The following PTCH1 variants were observed in gnomAD, a reference collection of about 807,000 sequenced individuals.
The protein encoded by PTCH1 is protein patched homolog 1.
A neutral mutation model predicts 144.6 loss-of-function variants in PTCH1; 14 were observed. That is an observed-to-expected ratio of 0.10 (90% confidence interval 0.06 to 0.15). The LOEUF (loss-of-function observed/expected upper bound fraction) is 0.15. PTCH1 is among the 10% of genes least tolerant of loss of function. PTCH1 has a pLI of 1.00. For missense variants in PTCH1, 1,623 were observed against 1,948.3 expected (o/e 0.83, Z 3.14); for synonymous variants, 833 against 793.6 (o/e 1.05, Z -0.83).
At chr9:95,452,264 G>A (rs1838520564) in intron 20 of PTCH1, 1 of 151,766 alleles carries the variant, frequency 6.6e-6, no homozygotes, top group Non-Finnish European at 1.5e-5. Context: ...TAAAACTTTG[G>A]CTAAAACTTC....
chr9:95,499,284 T>C (rs1842986626), intron 2 of PTCH1, among the ~76,000 whole-genome samples: 1 of 150,570 alleles, frequency 6.6e-6, no homozygotes, highest in South Asian at 2.1e-4. Flanking sequence ...GAACCAACCC[T>C]AACCAAAATA....
In PTCH1 at chr9:95,453,114, G is replaced by A. The variant is rs145164017; in HGVS notation, c.3449+364C>T. On this transcript the variant is annotated intron_variant, in intron 20 of 23. Coordinates refer to ENST00000331920, the MANE Select transcript of PTCH1 (RefSeq NM_000264.5). Reference sequence around the variant, plus strand: ...CCAGATACAGAAGGAAATAAGCAACGAAGATCACCTGAGCTAATAACAATA... The same window carrying A: ...CCAGATACAGAAGGAAATAAGCAACAAAGATCACCTGAGCTAATAACAATA... 4.1e-4 allele frequency: 142 copies of A among 344,566 alleles called. No individual in the cohort carries two copies. In the East Asian group the frequency reaches 8.6e-3, roughly 21 times the overall value. 21.3% of individuals were successfully genotyped at this position (344,566 alleles called of 1,614,324 possible).
chr9:95,469,429 T>C (rs1840358818), intron 13 of PTCH1, among the ~76,000 whole-genome samples: 1 of 152,232 alleles, frequency 6.6e-6, no homozygotes, highest in South Asian at 2.1e-4. Context: ...GATGAATCCT[T>C]CAAAGCACAA....
chr9:95,455,742 T>G (rs1416241830), intron 19 of PTCH1, among the ~76,000 whole-genome samples: 1 of 152,128 alleles, frequency 6.6e-6, no homozygotes, highest in South Asian at 2.1e-4. Flanking sequence ...TGGGCTTAGG[T>G]AGAAGAGCCA....
chr9:95,468,822 A>C lies in PTCH1; in HGVS notation c.2179T>G (p.Cys727Gly), dbSNP rs779167673. Residue 727 changes from cysteine (C) to glycine (G), a missense_variant, in exon 14 of 24, where the codon TGT becomes GGT. By Grantham distance (159) the Cys-to-Gly change is radical. This residue lies in a region of PTCH1 where 179 missense variants were observed against 165.7 expected (regional missense o/e 1.08). Transcript: ENST00000331920. Reference sequence around the variant, plus strand: ...AAAGATGAGAGTGTCCACTTCGTACAGGGGGGCTCGAGGCAGTGGAGGCTG... The same window carrying C: ...AAAGATGAGAGTGTCCACTTCGTACCGGGGGGCTCGAGGCAGTGGAGGCTG... ...DSSLHCLEPPCTKWTLSSFAE... is the reference protein window; with the variant it reads ...DSSLHCLEPPGTKWTLSSFAE... 1 of 1,614,120 alleles carries C rather than the reference A, an allele frequency of 6.2e-7. No homozygotes were observed. Among genetic ancestry groups the C allele is most frequent in the Non-Finnish European group, 8.5e-7 (1 of 1,179,994 alleles).
intron 12 of PTCH1, among the ~76,000 whole-genome samples, chr9:95,471,757 G>C (rs1039543960): frequency 6.6e-6 from 1 of 152,200 alleles, no homozygotes; most frequent in African/African-American, 2.4e-5. Flanking sequence ...ATGAAAAAGA[G>C]GGCCGGGCAC....
intron 12 of PTCH1, among the ~76,000 whole-genome samples, chr9:95,475,336 C>G (rs552035545): frequency 6.6e-6 from 1 of 151,950 alleles, no homozygotes; most frequent in East Asian, 1.9e-4. Context: ...CACGAGGGGC[C>G]CACGTGCTCT....
intron 2 of PTCH1, among the ~76,000 whole-genome samples, chr9:95,492,705 T>A (rs566141466): frequency 6.6e-6 from 1 of 151,894 alleles, no homozygotes; most frequent in Non-Finnish European, 1.5e-5. Context: ...ATACTCAACC[T>A]GTATTACGCT....
chr9:95,493,052 T>A (rs1434243173), intron 2 of PTCH1, among the ~76,000 whole-genome samples: 1 of 152,210 alleles, frequency 6.6e-6, no homozygotes, highest in Non-Finnish European at 1.5e-5. Flanking sequence ...GATCAAGCTC[T>A]GCTGATCCTC....
chr9:95,507,839 T>G, intron 1 of PTCH1: 1 of 996,034 alleles, frequency 1.0e-6, no homozygotes, highest in Non-Finnish European at 1.3e-6. Flanking sequence ...CGGCCGCCCT[T>G]GAGGTGGTCC....
At chr9:95,516,730 A>G (rs943532191) in exon 1 of PTCH1, 3 of 1,612,612 alleles carry the variant, frequency 1.9e-6, no homozygotes, top group Non-Finnish European at 2.5e-6. Flanking sequence ...CGGAAAGTGT[A>G]AAAACCCCGG....
At chr9:95,465,929 A>G (rs1839955698) in intron 15 of PTCH1, among the ~76,000 whole-genome samples, 1 of 152,238 alleles carries the variant, frequency 6.6e-6, no homozygotes, top group African/African-American at 2.4e-5. Flanking sequence ...TCCTGGAATC[A>G]CTGCATACAT....
At chr9:95,494,140 G>T in intron 2 of PTCH1, 5 of 928,338 alleles carry the variant, frequency 5.4e-6, no homozygotes, top group Non-Finnish European at 6.4e-6. Flanking sequence ...GCGCTCGCGC[G>T]GGGTTCTGCA....
chr9:95,502,762 A>C (rs917250661), intron 2 of PTCH1, among the ~76,000 whole-genome samples: 1 of 152,104 alleles, frequency 6.6e-6, no homozygotes, highest in African/African-American at 2.4e-5. Flanking sequence ...CATCTAGCAT[A>C]TATTAGTCTG....
chr9:95,506,465 G>T lies in PTCH1; in HGVS notation c.336C>A (p.Phe112Leu), dbSNP rs1490482816. ...LVVGLLIFGA[F>L]AVGLKAANLE... The stretch of plus-strand genomic sequence containing the variant: ...GGTTCGCTGCTTTTAATCCCACCGC[G>T]AAGGCCCCAAATATGAGGAGGCCCA... The change falls in exon 2 of 24, where the codon TTC (phenylalanine) becomes TTA (leucine). Residue 112 changes from phenylalanine to leucine, a missense_variant. Phe to Leu is a conservative substitution (Grantham distance 22). This residue lies in a region of PTCH1 where 245 missense variants were observed against 240.6 expected (regional missense o/e 1.02). Coordinates refer to ENST00000331920, the MANE Select transcript of PTCH1 (RefSeq NM_000264.5). 6.2e-7 allele frequency: 1 copy of T among 1,613,378 alleles called. No homozygotes were observed. Among genetic ancestry groups the T allele is most frequent in the South Asian group, 1.1e-5 (1 of 90,944 alleles).
exon 1 of PTCH1, chr9:95,516,569 T>G: frequency 6.4e-7 from 1 of 1,563,626 alleles, no homozygotes; most frequent in Non-Finnish European, 8.6e-7. Context: ...GGCCCCCCTT[T>G]CCTCGTCCTC....
Position 95,447,420 on chromosome 9 carries a change from G to C in PTCH1, c.3836C>G (p.Pro1279Arg). Residue 1279 changes from proline (P) to arginine (R), a missense_variant, in exon 23 of 24, where the codon CCC becomes CGC. Physicochemically the swap from Pro to Arg is moderately radical, Grantham distance 103 (BLOSUM62 -2). Around this residue, in one of 7 missense-constraint regions of PTCH1, gnomAD observed 291 missense variants for 287.4 expected, o/e 1.01. Transcript: ENST00000331920. Reference protein sequence around the residue: ...VVHPESRHHPPSNPRQQPHLD... With the variant: ...VVHPESRHHPRSNPRQQPHLD... ...GTGGGGCTGCTGTCTCGGGTTCGAG[G>C]GTGGGTGATGCCTGGATTCGGGATG... 6.2e-7 allele frequency: 1 copy of C among 1,602,182 alleles called. No homozygotes were observed. The highest frequency in any genetic ancestry group is 1.7e-4 in the Middle Eastern group (1 of 5,972).
intron 2 of PTCH1, among the ~76,000 whole-genome samples, chr9:95,490,519 T>TCACACACACACACACA (rs536111739): frequency 6.8e-4 from 82 of 119,912 alleles, no homozygotes; most frequent in African/African-American, 2.7e-3. Context: ...ACCTTCTATG[T>TCACACACACACACACA]GACACACACA....
chr9:95,504,453 G>A (rs1327208600), intron 2 of PTCH1, among the ~76,000 whole-genome samples: 1 of 152,180 alleles, frequency 6.6e-6, no homozygotes, highest in Non-Finnish European at 1.5e-5. Context: ...AAGGTCCACT[G>A]AAAACTCTTG....
Sources: allele counts gnomAD v4.1 joint callset (sites outside exome capture counted in the v4.1 genomes callset), GRCh38; gene constraint gnomAD v4.1.1; regional missense constraint gnomAD v4.1.1; transcripts MANE v1.5; gene names NCBI Gene and HGNC (gene_info 2026-07-23, HGNC 2026-07-21).